The following SCNN1D variants were observed in gnomAD, a reference collection of about 807,000 sequenced individuals.
SCNN1D encodes sodium channel epithelial 1 subunit delta, also known as epithelial sodium channel subunit delta.
SCNN1D carries 104 observed loss-of-function variants against 87.8 expected under a neutral mutation model. The ratio of observed to expected loss-of-function variants is 1.18; its 90% confidence interval spans 1.01 to 1.39. The LOEUF (loss-of-function observed/expected upper bound fraction) is 1.39. Ranked by LOEUF, SCNN1D falls within the 40% of genes most tolerant of loss-of-function variation. The probability of loss-of-function intolerance (pLI) is 0.00; values close to 1 mark genes in which losing one functional copy is unlikely to be tolerated. For missense variants in SCNN1D, 1,324 were observed against 1,093.9 expected (o/e 1.21, Z -2.97); for synonymous variants, 628 against 481.2 (o/e 1.31, Z -3.99).
chr1:1,280,968 G>A (rs542118920), intron 1 of SCNN1D: 264 of 589,066 alleles, frequency 4.5e-4, no homozygotes, highest in South Asian at 9.3e-4. Context: ...GTTGATGCCC[G>A]GGGCCGAGGG....
intron 12 of SCNN1D, among the ~76,000 whole-genome samples, chr1:1,288,245 C>CCCTGCTCCGTCCCGTG (rs1640661289): frequency 7.7e-6 from 1 of 130,646 alleles, no homozygotes; most frequent in Admixed American, 7.6e-5. Flanking sequence ...CGTCCCGTGT[C>CCCTGCTCCGTCCCGTG]TCTGCTCCGT....
intron 5 of SCNN1D, among the ~76,000 whole-genome samples, chr1:1,285,123 C>T (rs1488821600): frequency 1.3e-5 from 2 of 152,198 alleles, no homozygotes; most frequent in Non-Finnish European, 2.9e-5. Context: ...GAGGCCTGTG[C>T]GGCCCACACA....
In SCNN1D at chr1:1,290,633, C is replaced by T. The variant is rs749354209; in HGVS notation, c.1860-4C>T. ...GGCAGGTGACACCCGGCTGTCTCTT[C>T]CAGGGAGTCTGCATTCAAGCTCTCC... On this transcript the variant is annotated splice_polypyrimidine_tract_variant and splice_region_variant and intron_variant, in intron 14 of 17. Coordinates refer to ENST00000379116, the MANE Select transcript of SCNN1D (RefSeq NM_001130413.4). The T allele has an allele frequency of 6.8e-6, 11 of 1,612,560 alleles. No individual in the cohort carries two copies. The East Asian group carries it at 2.0e-4, about 29-fold the overall frequency.
rs550470616 is a variant in SCNN1D at position 1,283,099 on chromosome 1, G to C, written c.351+784G>C. Among the ~76,000 whole-genome samples the C allele has an allele frequency of 3.9e-5, 6 of 152,258 alleles. No individual in the cohort carries two copies. The South Asian group carries it at 1.2e-3, about 32-fold the overall frequency. ...GCCAGCATCTTGGTGTGTGTGGTGT[G>C]GGTGTGGACTGAAAGTCTTAGTGTG... On this transcript the variant is annotated intron_variant, in intron 4 of 17. Coordinates refer to ENST00000379116, the MANE Select transcript of SCNN1D (RefSeq NM_001130413.4).
intron 6 of SCNN1D, 103 bp downstream of exon 6, chr1:1,285,767 C>A: frequency 2.5e-6 from 3 of 1,219,042 alleles, no homozygotes; most frequent in Non-Finnish European, 3.4e-6. Flanking sequence ...CGGGTGTATC[C>A]GGGGAGAAGG....
Position 1,290,877 on chromosome 1 carries a change from C to G in SCNN1D, c.1918-18C>G. The stretch of plus-strand genomic sequence containing the variant: ...GGGCATGGGGGAGCCGTGGCCACAG[C>G]AAACCTTCCGTCTGCAGGGATGGAC... On this transcript the variant is annotated intron_variant, in intron 15 of 17. Transcript: ENST00000379116. 1 of 1,609,022 alleles carries G rather than the reference C, an allele frequency of 6.2e-7. No homozygotes were observed. The highest frequency in any genetic ancestry group is 8.5e-7 in the Non-Finnish European group (1 of 1,178,706).
Position 1,290,907 on chromosome 1 carries a change from G to A in SCNN1D, c.1930G>A (p.Ala644Thr). ...CTTCCGTCTGCAGGGATGGACTCTG[G>A]CCACGCTAGGTGAACAGGGGCTGCC... ...PSAKSAGWTL[A>T]TLGEQGLPHQ... The change falls in exon 16 of 18, where the codon GCC becomes ACC. Residue 644 changes from alanine (A) to threonine (T), a missense_variant. By Grantham distance (58) the Ala-to-Thr change is moderately conservative (BLOSUM62 0). Coordinates refer to ENST00000379116, the MANE Select transcript of SCNN1D (RefSeq NM_001130413.4). 6.2e-7 allele frequency: 1 copy of A among 1,610,014 alleles called. No homozygotes were observed. Among genetic ancestry groups the A allele is most frequent in the Non-Finnish European group, 8.5e-7 (1 of 1,178,910 alleles).
chr1:1,291,830 G>A lies in SCNN1D; in HGVS notation c.*220G>A, dbSNP rs755956756. 33 of 449,708 alleles carry A rather than the reference G, an allele frequency of 7.3e-5. No individual in the cohort carries two copies. Among genetic ancestry groups the A allele is most frequent in the Middle Eastern group, 5.4e-4 (1 of 1,842 alleles). 27.9% of individuals were successfully genotyped at this position (449,708 alleles called of 1,614,324 possible). ...GCCCGGGGCGGAGGGGGGTTCCCGC[G>A]TGCACACGAGTGCGGCTGGACGTGC... is the stretch of plus-strand genomic sequence containing the variant. On this transcript the variant is annotated 3_prime_UTR_variant, in exon 18 of 18. Coordinates refer to ENST00000379116, the MANE Select transcript of SCNN1D (RefSeq NM_001130413.4).
chr1:1,291,088 T>C lies in SCNN1D; in HGVS notation c.2000T>C (p.Ile667Thr), dbSNP rs767713925. 22 of 1,610,350 alleles carry C rather than the reference T, an allele frequency of 1.4e-5. No individual in the cohort carries two copies. The highest frequency in any genetic ancestry group is 1.9e-5 in the Non-Finnish European group (22 of 1,179,080). The change falls in exon 17 of 18, where the codon ATC (isoleucine) becomes ACC (threonine). Residue 667 changes from isoleucine (I) to threonine (T), a missense_variant. Coordinates refer to ENST00000379116, the MANE Select transcript of SCNN1D (RefSeq NM_001130413.4). ...AGGAGCAGCCTGGCCAAAATCAACATCGTCTACCAGGAGCTCAACTACCGC... is the reference window on the plus strand; with the variant it reads ...AGGAGCAGCCTGGCCAAAATCAACACCGTCTACCAGGAGCTCAACTACCGC... ...RQRSSLAKIN[I>T]VYQELNYRSV...
intron 12 of SCNN1D, 53 bp downstream of exon 12, chr1:1,288,090 G>T: frequency 1.5e-6 from 2 of 1,299,034 alleles, no homozygotes; most frequent in Admixed American, 2.3e-5. Context: ...GGCTGGCCAG[G>T]GGGTGTGGGC....
At chr1:1,282,411 G>A in intron 4 of SCNN1D, 96 bp downstream of exon 4, 1 of 1,381,124 alleles carries the variant, frequency 7.2e-7, no homozygotes, top group East Asian at 2.5e-5. Context: ...GCACCACTTG[G>A]GGCAGGATGT....
chr1:1,288,073 G>A (rs991667772), intron 12 of SCNN1D, 36 bp downstream of exon 12: 48 of 1,293,990 alleles, frequency 3.7e-5, no homozygotes, highest in Non-Finnish European at 5.0e-5. Context: ...GGGGGCAGGT[G>A]AGGCTGGGCT....
At position 1,286,958 on chromosome 1, in the gene SCNN1D, A is replaced by G. The variant is rs760511548; in HGVS notation, c.1102A>G (p.Arg368Gly). 2 of 1,612,076 alleles carry G rather than the reference A, an allele frequency of 1.2e-6. No homozygotes were observed. The highest frequency in any genetic ancestry group is 1.7e-6 in the Non-Finnish European group (2 of 1,179,680). The change falls in exon 8 of 18, where the codon AGA (arginine) becomes GGA (glycine). Residue 368 changes from arginine to glycine, a missense_variant. By Grantham distance (125) the Arg-to-Gly change is moderately radical (BLOSUM62 -2). Coordinates refer to ENST00000379116, the MANE Select transcript of SCNN1D (RefSeq NM_001130413.4). ...GCTGAGCCACTCGGGCAGCCGGGTC[A>G]GAGTGGGGTTCAGACTGGTGAGTGT... is the stretch of plus-strand genomic sequence containing the variant. ...QRLSHSGSRV[R>G]VGFRLCNSTG...
At position 1,290,444 on chromosome 1, in the gene SCNN1D, G is replaced by A. The variant is rs115732504; in HGVS notation, c.1781-33G>A. 2.6e-3 allele frequency: 4,257 copies of A among 1,611,812 alleles called. 75 individuals carry two copies. The African/African-American group carries it at 0.042, about 16-fold the overall frequency. On this transcript the variant is annotated intron_variant, in intron 13 of 17. Transcript: ENST00000379116. ...CAGCCATTAGCCGGGGGGTCACAGC[G>A]AGCCTCACACATGCCTCTGACCCCT...
chr1:1,282,675 G>A (rs1557579178), intron 4 of SCNN1D, among the ~76,000 whole-genome samples: 1 of 151,862 alleles, frequency 6.6e-6, no homozygotes, highest in African/African-American at 2.4e-5. Flanking sequence ...TAGTGTGTGT[G>A]AGGTCGTAGC....
chr1:1,287,375 CTGTA>C, intron 9 of SCNN1D, 76 bp downstream of exon 9: 1 of 1,493,674 alleles, frequency 6.7e-7, no homozygotes, highest in Non-Finnish European at 9.0e-7. Context: ...GTCCCTCTGG[CTGTA>C]TGCTGGGAGC....
In SCNN1D at chr1:1,282,296, C is replaced by T; in HGVS notation, c.332C>T (p.Ala111Val). ...FLSRTSPVAAASFQSRQEARG... is the reference protein window; with the variant it reads ...FLSRTSPVAAVSFQSRQEARG... ...TCCAGGACGTCACCGGTGGCAGCTG[C>T]TTCCTTCCAGAGCCGGCAGGCAGGT... Residue 111 changes from alanine (A) to valine (V), a missense_variant, in exon 4 of 18, where the codon GCT becomes GTT. Ala to Val is a moderately conservative substitution (Grantham distance 64). Transcript: ENST00000379116. 1.3e-6 allele frequency: 2 copies of T among 1,550,212 alleles called. No individual in the cohort carries two copies. The highest frequency in any genetic ancestry group is 2.4e-5 in the East Asian group (1 of 40,924).
Position 1,291,393 on chromosome 1 carries a change from G to A in SCNN1D, c.2192G>A (p.Arg731Lys), listed in dbSNP as rs1461426060. The stretch of plus-strand genomic sequence containing the variant: ...GTGCTAGGCGGCCGCCGGCTCCGCA[G>A]GGCGTGGTTCTCCTGGCCCAGAGCC... ...TLVLGGRRLR[R>K]AWFSWPRASP... Residue 731 changes from arginine (R) to lysine (K), a missense_variant, in exon 18 of 18, where the codon AGG becomes AAG. Arg to Lys is a conservative substitution (Grantham distance 26, BLOSUM62 2). Transcript: ENST00000379116. 2.5e-6 allele frequency: 4 copies of A among 1,608,784 alleles called. No individual in the cohort carries two copies. The highest frequency in any genetic ancestry group is 2.5e-6 in the Non-Finnish European group (3 of 1,178,542).
chr1:1,287,569 A>C lies in SCNN1D; in HGVS notation c.1372A>C (p.Thr458Pro). ...CTGCTACACGGTCGATGGCGTCTGG[A>C]CAGCTCAGCGCCCCGGCATCACCCA... ...GSCYTVDGVW[T>P]AQRPGITHGV... The change falls in exon 10 of 18, where the codon ACA (threonine) becomes CCA (proline). Residue 458 changes from threonine to proline, a missense_variant. By Grantham distance (38) the Thr-to-Pro change is conservative. Coordinates refer to ENST00000379116, the MANE Select transcript of SCNN1D (RefSeq NM_001130413.4). The C allele has an allele frequency of 6.3e-7, 1 of 1,583,188 alleles. No homozygotes were observed. Among genetic ancestry groups the C allele is most frequent in the Non-Finnish European group, 8.6e-7 (1 of 1,162,868 alleles).
Sources: allele counts gnomAD v4.1 joint callset (sites outside exome capture counted in the v4.1 genomes callset), GRCh38; gene constraint gnomAD v4.1.1; transcripts MANE v1.5; gene names NCBI Gene and HGNC (gene_info 2026-07-23, HGNC 2026-07-21).